The following PHIP variants were observed in gnomAD, a reference collection of about 807,000 sequenced individuals.
PHIP encodes PHIP subunit of CUL4-Ring ligase complex.
A neutral mutation model predicts 236.8 loss-of-function variants in PHIP; 54 were observed. The ratio of observed to expected loss-of-function variants is 0.23; its 90% CI spans 0.18 to 0.29. The LOEUF (loss-of-function observed/expected upper bound fraction) is 0.29. Ranked by LOEUF, PHIP falls within the 10% of genes least tolerant of loss-of-function variation. The pLI is 1.00. For missense variants in PHIP, 1,370 were observed against 2,190.8 expected, an observed-to-expected ratio of 0.63 and a Z score of 7.48; for synonymous variants, 756 against 718.9, an observed-to-expected ratio of 1.05 and a Z score of -0.83.
At chr6:78,980,126 C>CA (rs1768413043) in intron 23 of PHIP, among the ~76,000 whole-genome samples, 1 of 151,952 alleles carries the variant, frequency 6.6e-6, no homozygotes, top group African/African-American at 2.4e-5. Context: ...CAAGGATCAG[C>CA]AAATCATGAC....
At chr6:78,946,376 G>T in intron 37 of PHIP, 116 bp from the exon 38 acceptor site, 1 of 1,385,152 alleles carries the variant, frequency 7.2e-7, no homozygotes, top group Non-Finnish European at 9.6e-7. Flanking sequence ...TAAAATATGA[G>T]ATTTATAGTG....
chr6:78,946,631 G>T, intron 37 of PHIP, 80 bp downstream of exon 37: 1 of 1,467,184 alleles, frequency 6.8e-7, no homozygotes, highest in Non-Finnish European at 8.9e-7. Context: ...AATAGTAAAG[G>T]AAGTATTAAA....
At chr6:79,034,002 C>T (rs995714551) in intron 7 of PHIP, among the ~76,000 whole-genome samples, 1 of 151,998 alleles carries the variant, frequency 6.6e-6, no homozygotes, top group African/African-American at 2.4e-5. Flanking sequence ...TCATTAAGTT[C>T]GCCATAAGGG....
In PHIP at chr6:79,066,994, T is replaced by C. The variant is rs116001805; in HGVS notation, c.190-6176A>G. Reference sequence around the variant, plus strand: ...GCCTCAAATTCCTGGGCTCAAACGATCCTCCGACCTCAGCCTCCAGAGCAG... The same window carrying C: ...GCCTCAAATTCCTGGGCTCAAACGACCCTCCGACCTCAGCCTCCAGAGCAG... On this transcript the variant is annotated intron_variant, in intron 4 of 39. Transcript: ENST00000275034. Among the ~76,000 whole-genome samples the C allele has an allele frequency of 5.9e-3, 897 of 152,202 alleles. 4 individuals carry two copies. Among genetic ancestry groups the C allele is most frequent in the African/African-American group, 0.02 (828 of 41,518 alleles).
chr6:78,982,413 C>T (rs1414809487), intron 23 of PHIP, among the ~76,000 whole-genome samples: 1 of 152,030 alleles, frequency 6.6e-6, no homozygotes, highest in Non-Finnish European at 1.5e-5. Context: ...TGTTACAAGA[C>T]CATCTTACCC....
rs1419865850 is a variant in PHIP, at chr6:78,935,140, G to C, written c.*5553C>G. Among the ~76,000 whole-genome samples, 1 of 152,030 alleles carries C rather than the reference G, an allele frequency of 6.6e-6. No homozygotes were observed. Among genetic ancestry groups the C allele is most frequent in the Non-Finnish European group, 1.5e-5 (1 of 67,976 alleles). ...TGCTGAAAGGTAATTTTTCTTGGCTGGTTCTTCTAAGTATATACTAGGTAT... is the reference window on the plus strand; with the variant it reads ...TGCTGAAAGGTAATTTTTCTTGGCTCGTTCTTCTAAGTATATACTAGGTAT... On this transcript the variant is annotated 3_prime_UTR_variant, in exon 40 of 40. Coordinates refer to ENST00000275034, the MANE Select transcript of PHIP (RefSeq NM_017934.7).
intron 19 of PHIP, among the ~76,000 whole-genome samples, chr6:78,995,558 C>A (rs1456838036): frequency 3.9e-5 from 6 of 152,144 alleles, no homozygotes; most frequent in African/African-American, 1.4e-4. Context: ...TTTATTTTAA[C>A]CATTCTGAGA....
At position 78,940,880 on chromosome 6, in the gene PHIP, T is replaced by C. The variant is rs765592130; in HGVS notation, c.5279A>G (p.Lys1760Arg). The C allele has an allele frequency of 1.4e-5, 22 of 1,613,874 alleles. No individual in the cohort carries two copies. The East Asian group carries it at 1.6e-4, about 11-fold the overall frequency. The change falls in exon 40 of 40, where the codon AAA becomes AGA. Residue 1760 changes from lysine (K) to arginine (R), a missense_variant. Physicochemically the swap from Lys to Arg is conservative, Grantham distance 26. Around this residue, in one of 14 missense-constraint regions of PHIP, gnomAD observed 309 missense variants for 328.3 expected, o/e 0.94. Transcript: ENST00000275034. ...AGTTCTCATGTGGGGTTCAGAGCCT[T>C]TGAGTTCTTCAAACTCTTCTTCCTC... The part of the protein sequence containing the change: ...IDEEEEFEEL[K>R]GSEPHMRTRN...
At chr6:79,073,887 T>G (rs1774017981) in intron 4 of PHIP, among the ~76,000 whole-genome samples, 1 of 152,184 alleles carries the variant, frequency 6.6e-6, no homozygotes, top group African/African-American at 2.4e-5. Context: ...TCTACTTTTC[T>G]GTGTTTTGGA....
intron 12 of PHIP, 120 bp downstream of exon 12, chr6:79,017,226 C>T: frequency 1.7e-6 from 1 of 590,154 alleles, no homozygotes; most frequent in Non-Finnish European, 2.9e-6. Context: ...TTAAGTATAA[C>T]TGGTCAAGAT....
chr6:79,028,727 C>T (rs1771521784), intron 7 of PHIP, among the ~76,000 whole-genome samples: 1 of 152,178 alleles, frequency 6.6e-6, no homozygotes, highest in South Asian at 2.1e-4. Flanking sequence ...TTTAAGTACA[C>T]TACAGTAGGT....
chr6:78,977,999 G>A lies in PHIP; in HGVS notation c.2889+593C>T, dbSNP rs149879291. The stretch of plus-strand genomic sequence containing the variant: ...CAGATAACACTGCCTCTTAAAATTT[G>A]TGTACAAAACAAGGAGACATTAACC... On this transcript the variant is annotated intron_variant, in intron 24 of 39. Transcript: ENST00000275034. Among the ~76,000 whole-genome samples, 18 of 152,124 alleles carry A rather than the reference G, an allele frequency of 1.2e-4. No individual in the cohort carries two copies. In the East Asian group the frequency reaches 3.5e-3, roughly 29 times the overall value.
At chr6:79,069,827 C>T (rs116847170) in intron 4 of PHIP, among the ~76,000 whole-genome samples, 116 of 151,856 alleles carry the variant, frequency 7.6e-4, no homozygotes, top group Non-Finnish European at 1.5e-3. Context: ...GGTCTATTTG[C>T]TCAAGTAATT....
chr6:78,942,204 C>T (rs1022551249), intron 39 of PHIP, among the ~76,000 whole-genome samples: 3 of 152,136 alleles, frequency 2.0e-5, no homozygotes, highest in Admixed American at 1.3e-4. Context: ...CATGGTTGGT[C>T]GGGTGCAGTG....
chr6:79,036,111 AT>A (rs1771919823), intron 7 of PHIP, among the ~76,000 whole-genome samples: 1 of 152,120 alleles, frequency 6.6e-6, no homozygotes, highest in Non-Finnish European at 1.5e-5. Flanking sequence ...ATCAGCAATC[AT>A]TTTTCCTGTC....
chr6:78,984,700 G>A (rs1415922192), intron 22 of PHIP, among the ~76,000 whole-genome samples: 1 of 152,098 alleles, frequency 6.6e-6, no homozygotes, highest in African/African-American at 2.4e-5. Flanking sequence ...GTGGGAATAG[G>A]AGAGCCCTTG....
chr6:79,011,435 C>T (rs1386167770), intron 15 of PHIP, among the ~76,000 whole-genome samples: 2 of 151,800 alleles, frequency 1.3e-5, no homozygotes, highest in African/African-American at 4.8e-5. Context: ...AAAAGAACCA[C>T]AAAGGCTTTC....
chr6:78,957,286 C>T (rs1383994317), intron 32 of PHIP: 7 of 151,880 alleles, frequency 4.6e-5, no homozygotes, highest in African/African-American at 1.7e-4. Flanking sequence ...GATACACATA[C>T]ACATAGTTAT....
chr6:79,049,259 A>C (rs566357061), intron 6 of PHIP, among the ~76,000 whole-genome samples: 1 of 152,026 alleles, frequency 6.6e-6, no homozygotes, highest in South Asian at 2.1e-4. Context: ...ACGGGGTTTC[A>C]CCATGTTGGT....
Sources: allele counts gnomAD v4.1 joint callset (sites outside exome capture counted in the v4.1 genomes callset), GRCh38; gene constraint gnomAD v4.1.1; regional missense constraint gnomAD v4.1.1; transcripts MANE v1.5; gene names NCBI Gene and HGNC (gene_info 2026-07-23, HGNC 2026-07-21).